The following CA10 variants were observed in gnomAD, a reference collection of about 807,000 sequenced individuals.
CA10 encodes carbonic anhydrase-related protein 10.
A neutral mutation model predicts 44.2 loss-of-function variants in CA10; 14 were observed. That is an observed-to-expected ratio of 0.32 (90% confidence interval 0.21 to 0.50). CA10 has a LOEUF of 0.50. Ranked by LOEUF, CA10 falls within the 20% of genes least tolerant of loss-of-function variation. CA10 has a pLI of 0.99. For synonymous variants in CA10, 159 were observed against 141.6 expected, an observed-to-expected ratio of 1.12 and a Z score of -0.87; for missense variants, 350 against 409.7, an observed-to-expected ratio of 0.85 and a Z score of 1.26.
chr17:51,989,161 T>A (rs567954518), intron 2 of CA10, among the ~76,000 whole-genome samples: 1 of 152,074 alleles, frequency 6.6e-6, no homozygotes, highest in South Asian at 2.1e-4. Flanking sequence ...TTCTTTTTTT[T>A]TTTTTTTTAA....
intron 3 of CA10, among the ~76,000 whole-genome samples, chr17:51,875,177 T>C (rs986143293): frequency 6.6e-6 from 1 of 152,054 alleles, no homozygotes; most frequent in African/African-American, 2.4e-5. Flanking sequence ...TCTCCCTATA[T>C]TTCCCAGGAA....
At chr17:52,056,465 G>C (rs868009412) in intron 2 of CA10, among the ~76,000 whole-genome samples, 1 of 152,092 alleles carries the variant, frequency 6.6e-6, no homozygotes, top group Admixed American at 6.5e-5. Context: ...AGAGGAGCTG[G>C]CTTGCTAGTG....
intron 4 of CA10, among the ~76,000 whole-genome samples, chr17:51,735,048 C>T (rs139360865): frequency 7.4e-4 from 112 of 152,282 alleles, no homozygotes; most frequent in African/African-American, 2.4e-3. Flanking sequence ...GGGCCCTTAA[C>T]CCATCTTCTT....
chr17:52,110,155 T>C (rs1463148489), intron 1 of CA10, among the ~76,000 whole-genome samples: 1 of 152,230 alleles, frequency 6.6e-6, no homozygotes, highest in East Asian at 1.9e-4. Flanking sequence ...TCTACAGTCA[T>C]GTTTTCCAAC....
chr17:51,760,647 CAG>C (rs1025445796), intron 3 of CA10, among the ~76,000 whole-genome samples: 2 of 152,116 alleles, frequency 1.3e-5, no homozygotes, highest in South Asian at 2.1e-4. Context: ...TAAAAATAAA[CAG>C]AATCATTTTT....
At chr17:52,108,495 G>A (rs940254396) in intron 1 of CA10, among the ~76,000 whole-genome samples, 1 of 151,296 alleles carries the variant, frequency 6.6e-6, no homozygotes, top group Non-Finnish European at 1.5e-5. Flanking sequence ...TCAGGAGTTC[G>A]AGACCAGCCT....
At chr17:51,963,725 T>G (rs1490037711) in intron 2 of CA10, among the ~76,000 whole-genome samples, 1 of 152,182 alleles carries the variant, frequency 6.6e-6, no homozygotes, top group Non-Finnish European at 1.5e-5. Context: ...CTGAAGGAAT[T>G]TGTTACTATT....
intron 1 of CA10, chr17:52,135,148 C>T (rs1989327398): frequency 5.4e-6 from 2 of 367,122 alleles, no homozygotes; most frequent in East Asian, 7.3e-5. Context: ...AGTTCTCAGC[C>T]ATGACAGGAT....
chr17:51,740,446 C>T (rs922652421), intron 4 of CA10, among the ~76,000 whole-genome samples: 4 of 152,092 alleles, frequency 2.6e-5, no homozygotes, highest in African/African-American at 7.2e-5. Context: ...TCAGAAGACC[C>T]GAACTAAGTC....
chr17:51,877,994 A>T (rs1980155483), intron 3 of CA10, among the ~76,000 whole-genome samples: 1 of 151,798 alleles, frequency 6.6e-6, no homozygotes, highest in African/African-American at 2.4e-5. Flanking sequence ...AATACAAAAA[A>T]TTAGCCAGGC....
chr17:51,923,501 T>G (rs1982310576), intron 3 of CA10, among the ~76,000 whole-genome samples: 1 of 152,214 alleles, frequency 6.6e-6, no homozygotes, highest in Admixed American at 6.5e-5. Context: ...AATCAGTTAC[T>G]GCCATTTAGC....
intron 2 of CA10, among the ~76,000 whole-genome samples, chr17:51,975,081 G>A (rs964408523): frequency 2.6e-5 from 4 of 151,944 alleles, no homozygotes; most frequent in African/African-American, 9.7e-5. Flanking sequence ...AGTTAAACAT[G>A]CACATTATAA....
intron 4 of CA10, among the ~76,000 whole-genome samples, chr17:51,689,552 G>T (rs946866338): frequency 2.0e-5 from 3 of 152,184 alleles, no homozygotes; most frequent in Non-Finnish European, 2.9e-5. Flanking sequence ...TAATAATGGG[G>T]TTATTGAGAT....
intron 2 of CA10, among the ~76,000 whole-genome samples, chr17:52,019,091 A>G (rs1986057881): frequency 6.6e-6 from 1 of 152,120 alleles, no homozygotes; most frequent in African/African-American, 2.4e-5. Context: ...TTCTAATGCC[A>G]TGCTTCCTGT....
At chr17:51,803,204 T>C (rs1907003628) in intron 3 of CA10, among the ~76,000 whole-genome samples, 1 of 152,098 alleles carries the variant, frequency 6.6e-6, no homozygotes, top group Non-Finnish European at 1.5e-5. Flanking sequence ...AGGAGATGGG[T>C]TTGGGGTTTC....
intron 1 of CA10, among the ~76,000 whole-genome samples, chr17:52,117,433 C>G (rs1429605462): frequency 1.3e-5 from 2 of 152,148 alleles, no homozygotes; most frequent in Admixed American, 6.5e-5. Context: ...GCAAATAATC[C>G]AATTGGGATT....
chr17:51,630,717 G>A lies in CA10; in HGVS notation c.*867C>T, dbSNP rs1379062392. 1 of 152,580 alleles carries A rather than the reference G, an allele frequency of 6.6e-6. No individual in the cohort carries two copies. Among genetic ancestry groups the A allele is most frequent in the African/African-American group, 2.4e-5 (1 of 41,464 alleles). The allele number at this position is 152,580 out of a possible 1,614,324, so 9.5% of individuals were successfully genotyped here. On this transcript the variant is annotated 3_prime_UTR_variant, in exon 9 of 9. Transcript: ENST00000451037. ...GTGAAATCAAAGAATGCAGTTGCAT[G>A]GAGCCAGGGCTTAGCCTGTAAGGAA...
chr17:52,047,337 T>A (rs1019427593), intron 2 of CA10, among the ~76,000 whole-genome samples: 11 of 152,032 alleles, frequency 7.2e-5, no homozygotes, highest in African/African-American at 2.7e-4. Context: ...AGGGAACATT[T>A]TGGGATCATA....
intron 8 of CA10, 124 bp from the exon 9 acceptor site, chr17:51,631,730 G>GCTTA (rs750810064): frequency 2.0e-5 from 16 of 816,480 alleles, no homozygotes; most frequent in Non-Finnish European, 3.1e-5. Flanking sequence ...GTAAATGCCT[G>GCTTA]CTTACTTATA....
Sources: gnomAD v4.1 joint callset for allele counts (sites outside exome capture counted in the v4.1 genomes callset) on GRCh38, gnomAD v4.1.1 for gene constraint, MANE v1.5 for transcripts, NCBI Gene and HGNC (gene_info 2026-07-23, HGNC 2026-07-21) for gene names.